MINDY2: variants seen among roughly 807,000 people sequenced by gnomAD.
The protein encoded by MINDY2 is ubiquitin carboxyl-terminal hydrolase MINDY-2.
In MINDY2, 52 loss-of-function variants were observed where a neutral mutation model predicts 68.2. That is an observed-to-expected ratio of 0.76 (90% CI 0.61 to 0.96). MINDY2 has a LOEUF of 0.96. Among genes scored for constraint, MINDY2 ranks in the 40% least tolerant of loss-of-function variants. The pLI, the probability that MINDY2 is intolerant of heterozygous loss-of-function variation, is 0.00. For missense variants in MINDY2, 881 were observed against 773.4 expected, an observed-to-expected ratio of 1.14 and a Z score of -1.65; for synonymous variants, 372 against 303.0, an observed-to-expected ratio of 1.23 and a Z score of -2.36.
intron 1 of MINDY2, among the ~76,000 whole-genome samples, chr15:58,787,078 C>T (rs1192688424): frequency 1.3e-5 from 2 of 150,826 alleles, no homozygotes; most frequent in Admixed American, 6.6e-5. Flanking sequence ...GATCCGCCTG[C>T]GTTGGCCTTC....
At chr15:58,797,265 G>A (rs12438114) in intron 2 of MINDY2, among the ~76,000 whole-genome samples, 29,153 of 152,048 alleles carry the variant, frequency 0.19, 3,334 homozygotes, top group East Asian at 0.53. Flanking sequence ...CCAGCACTTC[G>A]CGAGACTGAG....
intron 5 of MINDY2, among the ~76,000 whole-genome samples, chr15:58,822,400 T>C (rs1469784458): frequency 6.6e-6 from 1 of 152,180 alleles, no homozygotes; most frequent in South Asian, 2.1e-4. Context: ...TATGGTCAGG[T>C]ACCCAGAGGT....
rs769580175 is a variant in MINDY2 at position 58,851,937 on chromosome 15, C to T, written c.1709C>T (p.Ala570Val). Residue 570 changes from alanine to valine, a missense_variant, in exon 8 of 9, where the codon GCT becomes GTT. Transcript: ENST00000559228. ...CAGGAACAGGAACAAGCAGCAGCTG[C>T]TGCTGCTGCTGCTTCTACACAGGCT... ...YYQEQEQAAAAAAAASTQAQQ... is the reference protein window; with the variant it reads ...YYQEQEQAAAVAAAASTQAQQ... The T allele has an allele frequency of 1.3e-5, 20 of 1,586,950 alleles. No homozygotes were observed. Among genetic ancestry groups the T allele is most frequent in the Non-Finnish European group, 2.6e-6 (3 of 1,172,980 alleles).
At position 58,795,178 on chromosome 15, in the gene MINDY2, A is replaced by AAAATAAAT. The variant is rs57658375; in HGVS notation, c.899-7118_899-7111dup. 2.1e-3 allele frequency among the ~76,000 whole-genome samples: 322 copies of AAAATAAAT among 150,006 alleles called. 3 individuals carry two copies. The highest frequency in any genetic ancestry group is 5.6e-3 in the African/African-American group (228 of 40,686). On this transcript the variant is annotated intron_variant, in intron 2 of 8. Coordinates refer to ENST00000559228, the MANE Select transcript of MINDY2 (RefSeq NM_001040450.3). Reference sequence around the variant, plus strand: ...GCACCAGAGCGAGACTCGTCTCCAAAAAATAAATAAATAAATAAATAAATC... The same window carrying AAAATAAAT: ...GCACCAGAGCGAGACTCGTCTCCAAAAAATAAATAAATAAATAAATAAATAAATAAATC...
intron 2 of MINDY2, among the ~76,000 whole-genome samples, chr15:58,795,286 G>A (rs1179136095): frequency 6.6e-6 from 1 of 152,320 alleles, no homozygotes; most frequent in East Asian, 1.9e-4. Flanking sequence ...GAGATTAGGT[G>A]GAGCAGTGTT....
At chr15:58,844,088 A>G (rs543623398) in intron 6 of MINDY2, among the ~76,000 whole-genome samples, 37 of 152,286 alleles carry the variant, frequency 2.4e-4, no homozygotes, top group Non-Finnish European at 3.4e-4. Context: ...TTAAGAAAGC[A>G]TTGACTGCAT....
rs60131191 is a variant in MINDY2 at position 58,813,931 on chromosome 15, C to CT, written c.1122+3562dup. Reference sequence around the variant, plus strand: ...TTCATTGTAGTTTTAACTTGCATTTCTTTTTTTTTTTTTTTTTTTAATTTG... The same window carrying CT: ...TTCATTGTAGTTTTAACTTGCATTTCTTTTTTTTTTTTTTTTTTTTAATTTG... On this transcript the variant is annotated intron_variant, in intron 4 of 8. Coordinates refer to ENST00000559228, the MANE Select transcript of MINDY2 (RefSeq NM_001040450.3). Among the ~76,000 whole-genome samples the CT allele has an allele frequency of 8.3e-3, 1,059 of 126,958 alleles. 8 individuals are homozygous for CT. Among genetic ancestry groups the CT allele is most frequent in the Admixed American group, 0.013 (164 of 12,352 alleles). The allele number at this position is 126,958 out of a possible 152,430, so 83.3% of individuals were successfully genotyped here.
chr15:58,802,316 A>G lies in MINDY2; in HGVS notation c.902A>G (p.Asp301Gly). 2 of 1,569,526 alleles carry G rather than the reference A, an allele frequency of 1.3e-6. No individual in the cohort carries two copies. Among genetic ancestry groups the G allele is most frequent in the Non-Finnish European group, 8.6e-7 (1 of 1,157,850 alleles). The change falls in exon 3 of 9, where the codon GAT becomes GGT. Residue 301 changes from aspartate (D) to glycine (G), a missense_variant. Physicochemically the swap from Asp to Gly is moderately conservative, Grantham distance 94 (BLOSUM62 -1). Transcript: ENST00000559228. Reference sequence around the variant, plus strand: ...AATTCTTTTTTTTTTTTTACAGGAGATTACATGCTTGATGCAAAGCCAAAA... The same window carrying G: ...AATTCTTTTTTTTTTTTTACAGGAGGTTACATGCTTGATGCAAAGCCAAAA... ...TAEQLMEYLG[D>G]YMLDAKPKEI...
chr15:58,795,906 G>C (rs891354350), intron 2 of MINDY2, among the ~76,000 whole-genome samples: 1 of 152,172 alleles, frequency 6.6e-6, no homozygotes, highest in Non-Finnish European at 1.5e-5. Flanking sequence ...TAAGATAGGA[G>C]AAAGGCCAGT....
intron 2 of MINDY2, among the ~76,000 whole-genome samples, chr15:58,799,766 A>G (rs481309): frequency 0.26 from 39,833 of 152,044 alleles, 5,723 homozygotes; most frequent in East Asian, 0.61. Context: ...AGACATGGAC[A>G]TGGCTTTTTG....
chr15:58,772,555 T>C (rs1175328351), intron 1 of MINDY2, among the ~76,000 whole-genome samples: 1 of 152,252 alleles, frequency 6.6e-6, no homozygotes, highest in African/African-American at 2.4e-5. Flanking sequence ...CTACATTTTC[T>C]TACTGACCTT....
chr15:58,801,774 G>C (rs1297699009), intron 2 of MINDY2, among the ~76,000 whole-genome samples: 3 of 152,124 alleles, frequency 2.0e-5, no homozygotes. Context: ...CAAGTAGCTG[G>C]GATTACAGGC....
intron 1 of MINDY2, among the ~76,000 whole-genome samples, chr15:58,776,944 C>T (rs1437586686): frequency 1.3e-5 from 2 of 152,058 alleles, no homozygotes; most frequent in Admixed American, 1.3e-4. Flanking sequence ...AACCATTGAA[C>T]TAATAAGTAG....
chr15:58,833,141 G>A (rs1339086902), intron 6 of MINDY2, among the ~76,000 whole-genome samples: 1 of 152,124 alleles, frequency 6.6e-6, no homozygotes. Flanking sequence ...GATTTCTTCA[G>A]TAGTACAGTA....
At chr15:58,808,905 C>G (rs664783) in intron 3 of MINDY2, among the ~76,000 whole-genome samples, 12,735 of 152,220 alleles carry the variant, frequency 0.084, 1,078 homozygotes, top group African/African-American at 0.22. Flanking sequence ...TGCCCAGCCA[C>G]TTTTTCATCT....
At chr15:58,853,995 C>A (rs1206559354) in intron 8 of MINDY2, among the ~76,000 whole-genome samples, 12 of 151,536 alleles carry the variant, frequency 7.9e-5, no homozygotes, top group Admixed American at 7.9e-4. Flanking sequence ...GTTTGAAATA[C>A]CGACTTTGGG....
intron 6 of MINDY2, among the ~76,000 whole-genome samples, chr15:58,846,941 G>T (rs1385876899): frequency 1.3e-5 from 2 of 152,006 alleles, no homozygotes; most frequent in East Asian, 3.9e-4. Context: ...AGGCAACATG[G>T]TATCATTTTT....
intron 2 of MINDY2, among the ~76,000 whole-genome samples, chr15:58,798,830 T>C (rs1902452026): frequency 6.6e-6 from 1 of 152,196 alleles, no homozygotes; most frequent in Admixed American, 6.6e-5. Flanking sequence ...AGTGGGGCTG[T>C]GTAAGTATAC....
chr15:58,839,122 T>G (rs547315609), intron 6 of MINDY2, among the ~76,000 whole-genome samples: 1 of 152,208 alleles, frequency 6.6e-6, no homozygotes. Context: ...TAATTTTTTT[T>G]TGAGTGTGCG....
Sources: gnomAD v4.1 joint callset for allele counts (sites outside exome capture counted in the v4.1 genomes callset) on GRCh38, gnomAD v4.1.1 for gene constraint, MANE v1.5 for transcripts, NCBI Gene and HGNC (gene_info 2026-07-23, HGNC 2026-07-21) for gene names.